Variants in BAZ1B observed in about 807,000 individuals in gnomAD.
The protein encoded by BAZ1B is tyrosine-protein kinase BAZ1B.
In BAZ1B, 22 loss-of-function variants were observed where a neutral mutation model predicts 153.8. That is an observed-to-expected ratio of 0.14 (90% CI 0.10 to 0.20). The LOEUF (loss-of-function observed/expected upper bound fraction) is 0.20. Among genes scored for constraint, BAZ1B ranks in the 10% least tolerant of loss-of-function variants. The pLI is 1.00. For synonymous variants in BAZ1B, 676 were observed against 633.4 expected (o/e 1.07, Z -1.01); for missense variants, 1,325 against 1,799.3 (o/e 0.74, Z 4.77).
chr7:73,510,559 T>C (rs1481318753), intron 2 of BAZ1B, among the ~76,000 whole-genome samples, 177 bp downstream of exon 2: 1 of 152,222 alleles, frequency 6.6e-6, no homozygotes, highest in Non-Finnish European at 1.5e-5. Flanking sequence ...ATATTCCATA[T>C]TGCTACTGCA....
intron 6 of BAZ1B, among the ~76,000 whole-genome samples, chr7:73,484,324 C>T (rs575193048): frequency 1.3e-5 from 2 of 150,984 alleles, no homozygotes; most frequent in African/African-American, 4.9e-5. Context: ...GACAGACAGA[C>T]AGACAGACAG....
At chr7:73,504,820 C>G (rs868933448) in intron 3 of BAZ1B, among the ~76,000 whole-genome samples, 2 of 152,048 alleles carry the variant, frequency 1.3e-5, no homozygotes, top group Non-Finnish European at 2.9e-5. Context: ...ACAGCAAGAC[C>G]CTGTCTCAAT....
chr7:73,506,856 A>G (rs1328517635), intron 3 of BAZ1B, among the ~76,000 whole-genome samples: 3 of 134,414 alleles, frequency 2.2e-5, no homozygotes, highest in African/African-American at 5.4e-5. Flanking sequence ...CACCTCAAAG[A>G]AAAAAAAAAA....
Position 73,521,812 on chromosome 7 carries a change from G to A in BAZ1B, c.107+15C>T. ...AGCCCGGCCCAGCCCGGCCCGCGCG[G>A]CTGGAAAAGGATACTCCCGGGTGCG... On this transcript the variant is annotated intron_variant, in intron 1 of 19. Coordinates refer to ENST00000339594, the MANE Select transcript of BAZ1B (RefSeq NM_032408.4). The A allele has an allele frequency of 2.0e-6, 3 of 1,488,714 alleles. No homozygotes were observed. Among genetic ancestry groups the A allele is most frequent in the South Asian group, 2.5e-5 (2 of 80,616 alleles). The allele number at this position is 1,488,714 out of a possible 1,614,324, so 92.2% of individuals were successfully genotyped here.
At chr7:73,448,475 C>T (rs1787918322) in intron 15 of BAZ1B, among the ~76,000 whole-genome samples, 2 of 152,208 alleles carry the variant, frequency 1.3e-5, no homozygotes, top group Non-Finnish European at 2.9e-5. Flanking sequence ...CACCTCTACT[C>T]TCAGGGCATT....
intron 3 of BAZ1B, 137 bp downstream of exon 3, chr7:73,508,190 C>A: frequency 1.1e-6 from 1 of 900,030 alleles, no homozygotes. Context: ...CAAGTATTAA[C>A]GTAAAGTATT....
rs1354997801 is a variant in BAZ1B, at chr7:73,450,024, T to TTATG, written c.3581-339_3581-336dup. 6.6e-6 allele frequency among the ~76,000 whole-genome samples: 1 copy of TTATG among 152,000 alleles called. No homozygotes were observed. Among genetic ancestry groups the TTATG allele is most frequent in the Non-Finnish European group, 1.5e-5 (1 of 67,998 alleles). On this transcript the variant is annotated intron_variant, in intron 14 of 19. Transcript: ENST00000339594. This position sits in a 1 kb window ranked among gnomAD's most constrained non-coding sequence, Gnocchi z 4.1. Reference sequence around the variant, plus strand: ...TCGACCTCCCCAAACGTTTCTCAACTTATGCCTGATGAGTGTTCTCTCTCT... The same window carrying TTATG: ...TCGACCTCCCCAAACGTTTCTCAACTTATGTATGCCTGATGAGTGTTCTCTCTCT...
chr7:73,514,287 T>C (rs946094287), intron 1 of BAZ1B, among the ~76,000 whole-genome samples: 1 of 152,238 alleles, frequency 6.6e-6, no homozygotes, highest in Admixed American at 6.5e-5. Context: ...TCCTGGCATT[T>C]TGGGAGGCCA....
At chr7:73,508,611 T>A in intron 2 of BAZ1B, 140 bp from the exon 3 acceptor site, 1 of 991,084 alleles carries the variant, frequency 1.0e-6, no homozygotes, top group Non-Finnish European at 1.4e-6. Flanking sequence ...TGGAGTGCAG[T>A]GGCACAATCA....
At chr7:73,479,508 C>CAAAA (rs565909571) in intron 6 of BAZ1B, among the ~76,000 whole-genome samples, 278 of 66,896 alleles carry the variant, frequency 4.2e-3, no homozygotes, top group African/African-American at 1.0e-2. Flanking sequence ...ACCCCCGTCT[C>CAAAA]AAAAAAAAAA....
chr7:73,518,530 T>C (rs1387534174), intron 1 of BAZ1B, among the ~76,000 whole-genome samples: 2 of 152,160 alleles, frequency 1.3e-5, no homozygotes, highest in Non-Finnish European at 2.9e-5. Flanking sequence ...ACTCCATCTA[T>C]AGCTACTCAA....
chr7:73,498,637 T>A lies in BAZ1B; in HGVS notation c.431A>T (p.Asp144Val). Residue 144 changes from aspartate (D) to valine (V), a missense_variant, in exon 4 of 20, where the codon GAT becomes GTT. Around this residue, in one of 9 missense-constraint regions of BAZ1B, gnomAD observed 153 missense variants for 204.8 expected, o/e 0.75. Transcript: ENST00000339594. ...AGATTTCTTCTCAGTGGCCTCTTCA[T>A]CCACTTTCTCCAAAGGATGAATCTT... ...IVKIHPLEKV[D>V]EEATEKKSDG... 1 of 1,614,156 alleles carries A rather than the reference T, an allele frequency of 6.2e-7. No individual in the cohort carries two copies. Among genetic ancestry groups the A allele is most frequent in the Non-Finnish European group, 8.5e-7 (1 of 1,180,024 alleles).
At chr7:73,481,912 G>C (rs544943636) in intron 6 of BAZ1B, among the ~76,000 whole-genome samples, 1 of 152,062 alleles carries the variant, frequency 6.6e-6, no homozygotes, top group South Asian at 2.1e-4. Context: ...GGTGGCGGGC[G>C]CCTGTAGTCC....
chr7:73,521,904 G>A lies in BAZ1B; in HGVS notation c.30C>T (p.Phe10=), dbSNP rs1375615410. The A allele has an allele frequency of 6.7e-7, 1 of 1,495,700 alleles. No homozygotes were observed. Among genetic ancestry groups the A allele is most frequent in the Non-Finnish European group, 8.9e-7 (1 of 1,117,884 alleles). The allele number at this position is 1,495,700 out of a possible 1,614,324, so 92.7% of individuals were successfully genotyped here. Residue 10 remains phenylalanine (F), a synonymous_variant, in exon 1 of 20, where the codon TTC becomes TTT. Transcript: ENST00000339594. The stretch of plus-strand genomic sequence containing the variant: ...CTCCGGGCAACGGCTTCACCAGCGG[G>A]AAGGGCTTGCGGCCCAGGAGCGGCG... MAPLLGRKP[F]PLVKPLPGEE...
At chr7:73,447,421 CA>C (rs1787879942) in intron 15 of BAZ1B, 42 bp from the exon 16 acceptor site, 2 of 1,575,878 alleles carry the variant, frequency 1.3e-6, no homozygotes, top group Non-Finnish European at 1.7e-6. Flanking sequence ...AGTTTTAGCC[CA>C]AAGTGGTCCT....
intron 4 of BAZ1B, among the ~76,000 whole-genome samples, chr7:73,497,081 A>AAAAAAAAAAAAAAAAAAAC (rs1242807439): frequency 1.9e-4 from 29 of 150,532 alleles, no homozygotes; most frequent in Middle Eastern, 3.4e-3. Context: ...AAAAAAAAAA[A>AAAAAAAAAAAAAAAAAAAC]AACCTACAAA....
intron 3 of BAZ1B, among the ~76,000 whole-genome samples, chr7:73,501,622 A>G (rs1194429930): frequency 6.6e-6 from 1 of 152,138 alleles, no homozygotes; most frequent in African/African-American, 2.4e-5. Flanking sequence ...TAAAGTTTGT[A>G]ATGCCAACGT....
At chr7:73,503,400 G>A (rs1790214311) in intron 3 of BAZ1B, among the ~76,000 whole-genome samples, 1 of 151,970 alleles carries the variant, frequency 6.6e-6, no homozygotes, top group Admixed American at 6.6e-5. Context: ...TTTTGAGACA[G>A]GGTCTTGCTA....
intron 19 of BAZ1B, 101 bp downstream of exon 19, chr7:73,442,080 A>T: frequency 1.2e-6 from 1 of 815,844 alleles, no homozygotes; most frequent in Non-Finnish European, 2.0e-6. Flanking sequence ...TTGGGATGAC[A>T]GGCGTTTCTG....
Sources: gnomAD v4.1 joint callset for allele counts (sites outside exome capture counted in the v4.1 genomes callset) on GRCh38, gnomAD v4.1.1 for gene constraint, gnomAD v4.1.1 regional missense constraint, Gnocchi (gnomAD v3.1) non-coding constraint, MANE v1.5 for transcripts, NCBI Gene and HGNC (gene_info 2026-07-23, HGNC 2026-07-21) for gene names.